RBFOX1: variants seen among roughly 807,000 people sequenced by gnomAD.
The protein encoded by RBFOX1 is RNA binding fox-1 homolog 1.
RBFOX1 carries 8 observed loss-of-function variants against 57.7 expected under a neutral mutation model. That is an observed-to-expected ratio of 0.14 (90% CI 0.08 to 0.25). The LOEUF (loss-of-function observed/expected upper bound fraction) is 0.25. RBFOX1 is among the 10% of genes least tolerant of loss of function. The pLI is 1.00. For synonymous variants in RBFOX1, 326 were observed against 222.4 expected (o/e 1.47, Z -4.15); for missense variants, 611 against 548.5 (o/e 1.11, Z -1.14).
In RBFOX1 at chr16:7,142,010, T is replaced by G. The variant is rs542320071; in HGVS notation, c.27+89912T>G. Among the ~76,000 whole-genome samples the G allele has an allele frequency of 5.9e-5, 9 of 151,770 alleles. No homozygotes were observed. The East Asian group carries it at 1.8e-3, about 30-fold the overall frequency. On this transcript the variant is annotated intron_variant, in intron 4 of 15. Coordinates refer to ENST00000550418, the MANE Select transcript of RBFOX1 (RefSeq NM_018723.4). ...TCTTCTCCTTCTTCTTCCTCCTTCT[T>G]CTTCCTTCTTCCTTCTTTCTTCTTT... is the stretch of plus-strand genomic sequence containing the variant.
At chr16:7,025,440 C>G (rs187191445) in intron 3 of RBFOX1, among the ~76,000 whole-genome samples, 6 of 152,260 alleles carry the variant, frequency 3.9e-5, no homozygotes, top group Admixed American at 3.9e-4. Flanking sequence ...TATCGTATGA[C>G]TTAGAATGCC....
At chr16:5,277,032 A>G (rs1478298704) in intron 1 of RBFOX1, among the ~76,000 whole-genome samples, 2 of 152,232 alleles carry the variant, frequency 1.3e-5, no homozygotes, top group African/African-American at 2.4e-5. Flanking sequence ...GCAAAACTAT[A>G]GAACCAGCCC....
intron 1 of RBFOX1, among the ~76,000 whole-genome samples, chr16:6,251,805 A>G (rs2097615462): frequency 6.6e-6 from 1 of 152,036 alleles, no homozygotes; most frequent in Admixed American, 6.6e-5. Flanking sequence ...GGGACTTCTC[A>G]AAGCCCTGCC....
intron 14 of RBFOX1, among the ~76,000 whole-genome samples, chr16:7,682,915 C>T (rs539337289): frequency 3.5e-5 from 5 of 144,558 alleles, no homozygotes; most frequent in Admixed American, 1.4e-4. Context: ...AGACAGCTTT[C>T]GGGTAACTAG....
At chr16:5,352,903 A>G (rs1227644883) in intron 1 of RBFOX1, among the ~76,000 whole-genome samples, 1 of 152,196 alleles carries the variant, frequency 6.6e-6, no homozygotes, top group Non-Finnish European at 1.5e-5. Flanking sequence ...TGATTGTGCC[A>G]CTGTGCTCCA....
At chr16:5,822,994 A>G (rs2055909204) in intron 3 of RBFOX1, among the ~76,000 whole-genome samples, 1 of 152,242 alleles carries the variant, frequency 6.6e-6, no homozygotes, top group African/African-American at 2.4e-5. Flanking sequence ...ACCAAGCTGT[A>G]GGAACTATGC....
chr16:6,184,010 G>A (rs992537474), intron 1 of RBFOX1, among the ~76,000 whole-genome samples: 3 of 152,180 alleles, frequency 2.0e-5, no homozygotes, highest in African/African-American at 7.2e-5. Flanking sequence ...CCACATGGCT[G>A]GGGAGACCGC....
intron 3 of RBFOX1, among the ~76,000 whole-genome samples, chr16:5,841,071 A>T (rs1259150789): frequency 1.3e-5 from 2 of 152,190 alleles, no homozygotes; most frequent in African/African-American, 4.8e-5. Context: ...AGTGGAGCTG[A>T]GGGTCCTGGG....
intron 1 of RBFOX1, among the ~76,000 whole-genome samples, chr16:6,153,125 A>C (rs1255722065): frequency 6.9e-6 from 1 of 145,380 alleles, no homozygotes; most frequent in Non-Finnish European, 1.5e-5. Context: ...TGAGTTCTTG[A>C]GTGGTGACTC....
At chr16:5,788,395 G>A (rs1342968630) in intron 3 of RBFOX1, among the ~76,000 whole-genome samples, 2 of 152,142 alleles carry the variant, frequency 1.3e-5, no homozygotes, top group Admixed American at 6.5e-5. Context: ...TCGGGAGGTC[G>A]AGCTGGGGGG....
Position 7,061,655 on chromosome 16 carries a change from T to A in RBFOX1, c.27+9557T>A, listed in dbSNP as rs141039904. Among the ~76,000 whole-genome samples, 87 of 152,318 alleles carry A rather than the reference T, an allele frequency of 5.7e-4. No individual in the cohort carries two copies. In the East Asian group the frequency reaches 0.016, roughly 28 times the overall value. On this transcript the variant is annotated intron_variant, in intron 4 of 15. Transcript: ENST00000550418. Reference sequence around the variant, plus strand: ...CTTTAATTTAGCCTATTATCCCCAGTCCTCATGCCCCTTTCCAGGGAAAAT... The same window carrying A: ...CTTTAATTTAGCCTATTATCCCCAGACCTCATGCCCCTTTCCAGGGAAAAT...
chr16:6,920,365 C>T (rs1229619142), intron 3 of RBFOX1, among the ~76,000 whole-genome samples: 3 of 152,156 alleles, frequency 2.0e-5, no homozygotes, highest in African/African-American at 7.2e-5. Context: ...ATGATACAAT[C>T]TCTCTCTTCT....
intron 2 of RBFOX1, among the ~76,000 whole-genome samples, chr16:6,471,488 G>A (rs549428863): frequency 1.3e-5 from 2 of 151,976 alleles, no homozygotes; most frequent in South Asian, 4.2e-4. Flanking sequence ...AATGCAATGG[G>A]CATTCATGTA....
intron 3 of RBFOX1, among the ~76,000 whole-genome samples, chr16:6,835,564 C>T (rs113366107): frequency 6.6e-6 from 1 of 151,480 alleles, no homozygotes; most frequent in Non-Finnish European, 1.5e-5. Context: ...CCAGCCTGGT[C>T]AACATGGTAA....
At chr16:7,443,925 T>A (rs552231635) in intron 4 of RBFOX1, among the ~76,000 whole-genome samples, 1 of 152,354 alleles carries the variant, frequency 6.6e-6, no homozygotes, top group African/African-American at 2.4e-5. Flanking sequence ...ATTCCTTTGT[T>A]GCCTGAGGCA....
At chr16:6,835,956 C>T (rs1376285320) in intron 3 of RBFOX1, among the ~76,000 whole-genome samples, 3 of 151,968 alleles carry the variant, frequency 2.0e-5, no homozygotes, top group Admixed American at 2.0e-4. Flanking sequence ...CCTCCATTCC[C>T]ATTCCATCTG....
chr16:5,907,002 G>C (rs1339952859), intron 4 of RBFOX1, among the ~76,000 whole-genome samples: 1 of 152,018 alleles, frequency 6.6e-6, no homozygotes, highest in African/African-American at 2.4e-5. Context: ...CTCCCAAAGT[G>C]CTGGGATTAC....
At chr16:5,419,721 G>A (rs1208562579) in intron 1 of RBFOX1, among the ~76,000 whole-genome samples, 4 of 151,956 alleles carry the variant, frequency 2.6e-5, no homozygotes, top group Non-Finnish European at 5.9e-5. Flanking sequence ...AGCCTCATCT[G>A]AACACAAAAG....
chr16:7,437,907 TAAA>T (rs35968195), intron 4 of RBFOX1, among the ~76,000 whole-genome samples: 2 of 145,056 alleles, frequency 1.4e-5, no homozygotes, highest in African/African-American at 5.0e-5. Flanking sequence ...ACAAATTGCT[TAAA>T]AAAAAAAAAA....
Sources: gnomAD v4.1 joint callset for allele counts (sites outside exome capture counted in the v4.1 genomes callset) on GRCh38, gnomAD v4.1.1 for gene constraint, MANE v1.5 for transcripts, NCBI Gene and HGNC (gene_info 2026-07-23, HGNC 2026-07-21) for gene names.